Variants in MGAM observed in about 807,000 individuals in gnomAD.
MGAM encodes maltase-glucoamylase, also known as alpha-1,4-glucosidase.
A neutral mutation model predicts 358.8 loss-of-function variants in MGAM; 253 were observed. The observed-to-expected ratio is 0.71, with a 90% CI of 0.64 to 0.78. The LOEUF (loss-of-function observed/expected upper bound fraction) is 0.78, where lower values mean the gene tolerates loss of function less well. Among genes scored for constraint, MGAM ranks in the 30% least tolerant of loss-of-function variants. The pLI is 0.00. For missense variants in MGAM, 3,080 were observed against 3,432.6 expected (o/e 0.90, Z 2.57); for synonymous variants, 1,105 against 1,227.1 (o/e 0.90, Z 2.08).
rs141287011 is a variant in MGAM, at chr7:141,989,131, GGAGA to G, written c.-2-16379_-2-16376del. Among the ~76,000 whole-genome samples, 414 of 148,170 alleles carry G rather than the reference GGAGA, an allele frequency of 2.8e-3. 1 individual carries two copies. The highest frequency in any genetic ancestry group is 4.4e-3 in the Non-Finnish European group (290 of 66,644). Reference sequence around the variant, plus strand: ...GTGTATGAGTATGTGAGAGAAAGAGGGAGAGAGAGAGAGAGAGAGAGAAAGAGAG... The same window carrying G: ...GTGTATGAGTATGTGAGAGAAAGAGGGAGAGAGAGAGAGAGAGAAAGAGAG... On this transcript the variant is annotated intron_variant, in intron 2 of 5. Transcript: ENST00000465654.
intron 3 of MGAM, among the ~76,000 whole-genome samples, chr7:142,017,366 A>G (rs1806050399): frequency 6.6e-6 from 1 of 151,846 alleles, no homozygotes; most frequent in African/African-American, 2.4e-5. Flanking sequence ...TTCTAAATCT[A>G]TTTTCCTAGG....
At position 142,050,274 on chromosome 7, in the gene MGAM, C is replaced by T. The variant is rs1324062233; in HGVS notation, c.2627C>T (p.Ser876Phe). The change falls in exon 23 of 71, where the codon TCT becomes TTT. Residue 876 changes from serine (S) to phenylalanine (F), a missense_variant. By Grantham distance (155) the Ser-to-Phe change is radical (BLOSUM62 -2). Transcript: ENST00000475668. ...ANKVYLLCEF[S>F]VTQNRLEVNI... ...AAAGTGTATCTTTTATGTGAGTTTT[C>T]TGTCACTCAAGTGAGTAGCATATTT... The T allele has an allele frequency of 6.2e-7, 1 of 1,613,548 alleles. No individual in the cohort carries two copies. Among genetic ancestry groups the T allele is most frequent in the Non-Finnish European group, 8.5e-7 (1 of 1,179,678 alleles).
At chr7:142,016,139 G>T (rs782815695) in intron 3 of MGAM, among the ~76,000 whole-genome samples, 2 of 151,908 alleles carry the variant, frequency 1.3e-5, no homozygotes, top group Non-Finnish European at 2.9e-5. Flanking sequence ...TACTTTCTTT[G>T]TTTCTTCCCT....
chr7:142,056,988 C>T, intron 30 of MGAM, 46 bp downstream of exon 30: 1 of 1,576,322 alleles, frequency 6.3e-7, no homozygotes, highest in Non-Finnish European at 8.7e-7. Context: ...ACAGCACATT[C>T]TGGGTGCCAG....
At chr7:141,994,022 C>T (rs1315484015), upstream of MGAM, among the ~76,000 whole-genome samples, 4 of 152,192 alleles carry the variant, frequency 2.6e-5, no homozygotes, top group South Asian at 2.1e-4. Context: ...ATTACAGGCA[C>T]GCACCGCCAT....
At chr7:142,060,005 AGGGTGGGTC>A (rs1489802526) in intron 33 of MGAM, 39 bp downstream of exon 33, 1 of 1,550,436 alleles carries the variant, frequency 6.4e-7, no homozygotes, top group African/African-American at 1.4e-5. Flanking sequence ...CCCCAGCCTG[AGGGTGGGTC>A]ACTGTTGGTG....
intron 21 of MGAM, among the ~76,000 whole-genome samples, chr7:142,043,984 A>T (rs1196676584): frequency 8.2e-6 from 1 of 121,740 alleles, no homozygotes; most frequent in Non-Finnish European, 1.7e-5. Flanking sequence ...CGTATAATAT[A>T]TACATTATAT....
At chr7:142,027,985 G>T (rs1470738005) in intron 10 of MGAM, among the ~76,000 whole-genome samples, 3 of 151,856 alleles carry the variant, frequency 2.0e-5, no homozygotes, top group Non-Finnish European at 2.9e-5. Context: ...ATCTGTTTTT[G>T]TCTCTATTTT....
intron 13 of MGAM, among the ~76,000 whole-genome samples, chr7:142,032,054 T>TTA (rs1361218711): frequency 6.8e-6 from 1 of 146,282 alleles, no homozygotes; most frequent in Non-Finnish European, 1.5e-5. Context: ...TTTTTTTTTT[T>TTA]ACGAAGGAAT....
rs1805510520 is a variant in MGAM, at chr7:142,010,373, C to G, written c.327+1668C>G. 5.9e-5 allele frequency among the ~76,000 whole-genome samples: 9 copies of G among 152,264 alleles called. No individual in the cohort carries two copies. In the South Asian group the frequency reaches 1.9e-3, roughly 32 times the overall value. On this transcript the variant is annotated intron_variant, in intron 3 of 70. Transcript: ENST00000475668. The stretch of plus-strand genomic sequence containing the variant: ...CTCCTCACCAAATCTGCTTTTCCTT[C>G]TCAGCTACCAGATTTCTGCTAGTAG...
At chr7:142,041,229 T>G (rs1296229656) in intron 21 of MGAM, among the ~76,000 whole-genome samples, 2 of 152,182 alleles carry the variant, frequency 1.3e-5, no homozygotes, top group Non-Finnish European at 2.9e-5. Flanking sequence ...TGAATTTTCC[T>G]TTATATGTAA....
Position 142,059,893 on chromosome 7 carries a change from C to T in MGAM, c.3986C>T (p.Pro1329Leu), listed in dbSNP as rs1281147281. 7 of 1,611,356 alleles carry T rather than the reference C, an allele frequency of 4.3e-6. No homozygotes were observed. Among genetic ancestry groups the T allele is most frequent in the Non-Finnish European group, 5.9e-6 (7 of 1,178,814 alleles). The change falls in exon 33 of 71, where the codon CCT becomes CTT. Residue 1329 changes from proline to leucine, a missense_variant. Physicochemically the swap from Pro to Leu is moderately conservative, Grantham distance 98 (BLOSUM62 -3). This residue lies in a region of MGAM where 1,816 missense variants were observed against 1,840.5 expected (regional missense o/e 0.99). Transcript: ENST00000475668. ...AISGNETQPY[P>L]AFTRGVEDDV... ...TCTGGCAATGAGACACAGCCTTATC[C>T]TGCCTTCACTCGGGGCGTGGAGGAT...
At chr7:142,041,768 T>A (rs1359836636) in intron 21 of MGAM, among the ~76,000 whole-genome samples, 4 of 147,218 alleles carry the variant, frequency 2.7e-5, no homozygotes, top group Non-Finnish European at 4.5e-5. Context: ...GTATTCTTAA[T>A]GATCCAAATG....
At chr7:142,043,798 A>G (rs1349551448) in intron 21 of MGAM, among the ~76,000 whole-genome samples, 5 of 97,486 alleles carry the variant, frequency 5.1e-5, no homozygotes, top group East Asian at 2.7e-4. Flanking sequence ...CATATAATAT[A>G]TACATTATAT....
Position 142,052,880 on chromosome 7 carries a change from A to G in MGAM, c.3055A>G (p.Ile1019Val), listed in dbSNP as rs1336988925. 3.7e-6 allele frequency: 6 copies of G among 1,613,852 alleles called. No homozygotes were observed. Among genetic ancestry groups the G allele is most frequent in the Admixed American group, 1.7e-5 (1 of 60,012 alleles). ...QYNSHGATAD[I>V]SLKSSVYANA... ...TAATTCCCATGGGGCCACAGCTGAC[A>G]TCTCCTTAAAGTCTTCCGTTTATGC... The change falls in exon 26 of 71, where the codon ATC (isoleucine) becomes GTC (valine). Residue 1019 changes from isoleucine (I) to valine (V), a missense_variant. Transcript: ENST00000475668.
At chr7:142,043,972 GACGTATAATATATACATTATATACA>G (rs1809515583) in intron 21 of MGAM, among the ~76,000 whole-genome samples, 1 of 115,032 alleles carries the variant, frequency 8.7e-6, no homozygotes, top group Admixed American at 9.6e-5. Flanking sequence ...ATACACATAC[GACGTATAATATATACATTATATACA>G]CATACGACGT....
At chr7:142,097,443 A>G (rs1437214057) in intron 65 of MGAM, 150 bp from the exon 66 acceptor site, 15 of 716,024 alleles carry the variant, frequency 2.1e-5, no homozygotes, top group Non-Finnish European at 2.9e-5. Context: ...AGGAAAAGGG[A>G]TGGAAGGTTT....
chr7:142,045,661 A>G (rs1386862340), intron 21 of MGAM, among the ~76,000 whole-genome samples: 2 of 105,748 alleles, frequency 1.9e-5, no homozygotes, highest in African/African-American at 3.7e-5. Flanking sequence ...TATACATACA[A>G]TATATGAATA....
chr7:141,991,470 G>C (rs1421013398), upstream of MGAM, among the ~76,000 whole-genome samples: 4 of 150,540 alleles, frequency 2.7e-5, no homozygotes, highest in Non-Finnish European at 5.9e-5. Flanking sequence ...ATCTCACTCT[G>C]TTGCCCAGGC....
Sources: gnomAD v4.1 joint callset for allele counts (sites outside exome capture counted in the v4.1 genomes callset) on GRCh38, gnomAD v4.1.1 for gene constraint, gnomAD v4.1.1 regional missense constraint, MANE v1.5 for transcripts, NCBI Gene and HGNC (gene_info 2026-07-23, HGNC 2026-07-21) for gene names.